The following CEMIP variants were observed in gnomAD, a reference collection of about 807,000 sequenced individuals.
The protein encoded by CEMIP is cell migration-inducing and hyaluronan-binding protein.
CEMIP carries 105 observed loss-of-function variants against 156.9 expected under a neutral mutation model. The ratio of observed to expected loss-of-function variants is 0.67; its 90% CI spans 0.57 to 0.79. The LOEUF is 0.79. Among genes scored for constraint, CEMIP ranks in the 30% least tolerant of loss-of-function variants. The pLI is 0.00. For missense variants in CEMIP, 1,457 were observed against 1,769.4 expected, an observed-to-expected ratio of 0.82 and a Z score of 3.17; for synonymous variants, 676 against 668.4, an observed-to-expected ratio of 1.01 and a Z score of -0.17.
At chr15:80,781,132 C>G (rs561677131) in intron 1 of CEMIP, among the ~76,000 whole-genome samples, 3 of 152,286 alleles carry the variant, frequency 2.0e-5, no homozygotes, top group African/African-American at 7.2e-5. Context: ...TACAATTACG[C>G]CAGACATAAT....
chr15:80,949,830 A>C lies in CEMIP; in HGVS notation c.*906A>C, dbSNP rs920957832. 5 of 152,270 alleles carry C rather than the reference A, an allele frequency of 3.3e-5. No individual in the cohort carries two copies. Among genetic ancestry groups the C allele is most frequent in the Non-Finnish European group, 7.3e-5 (5 of 68,054 alleles). 9.4% of individuals were successfully genotyped at this position (152,270 alleles called of 1,614,324 possible). ...GAAGGCTTCTTGCTTACAGGAATGA[A>C]GGCTGGGGGCATTTTGCTGGGGGGA... On this transcript the variant is annotated 3_prime_UTR_variant, in exon 30 of 30. Coordinates refer to ENST00000394685, the MANE Select transcript of CEMIP (RefSeq NM_001293298.2).
rs370362382 is a variant in CEMIP at position 80,802,424 on chromosome 15, G to A, written c.-176+22810G>A. ...TGGGCGTGGGCAGGCCCCACCCACC[G>A]AGGCTCCAGCCCTTACCCACAGTGT... On this transcript the variant is annotated intron_variant, in intron 1 of 29. Transcript: ENST00000394685. 5.3e-5 allele frequency among the ~76,000 whole-genome samples: 8 copies of A among 152,158 alleles called. 1 individual carries two copies. The East Asian group carries it at 9.6e-4, about 18-fold the overall frequency.
chr15:80,927,194 AG>A (rs976748669), intron 19 of CEMIP, among the ~76,000 whole-genome samples: 2 of 152,192 alleles, frequency 1.3e-5, no homozygotes, highest in Admixed American at 1.3e-4. Context: ...AAGGGAGAAA[AG>A]GGAGCTGATT....
At chr15:80,814,007 T>C (rs866602174) in intron 1 of CEMIP, among the ~76,000 whole-genome samples, 5 of 144,282 alleles carry the variant, frequency 3.5e-5, no homozygotes, top group African/African-American at 1.3e-4. Context: ...AGACACCCTC[T>C]CCCATCCATA....
chr15:80,888,588 T>C, intron 8 of CEMIP, 113 bp from the exon 9 acceptor site: 1 of 770,870 alleles, frequency 1.3e-6, no homozygotes, highest in South Asian at 1.5e-5. Context: ...AAAAATATTT[T>C]TAAAGAAATG....
At chr15:80,865,888 TTTCAGTGCCTG>T (rs1012090433) in intron 1 of CEMIP, among the ~76,000 whole-genome samples, 2 of 152,190 alleles carry the variant, frequency 1.3e-5, no homozygotes, top group African/African-American at 4.8e-5. Flanking sequence ...ATTATTTAGA[TTTCAGTGCCTG>T]TTGCACAGGG....
chr15:80,906,447 G>T lies in CEMIP; in HGVS notation c.1412-216G>T, dbSNP rs1899806677. ...GGACAATTAGCCATTTCTGCCAAAG[G>T]CTTCAGACCTAAGCCTGTGTAACTG... On this transcript the variant is annotated intron_variant, in intron 12 of 29. Coordinates refer to ENST00000394685, the MANE Select transcript of CEMIP (RefSeq NM_001293298.2). This position sits in a 1 kb window ranked among gnomAD's most constrained non-coding sequence, Gnocchi z 4.3. Among the ~76,000 whole-genome samples the T allele has an allele frequency of 6.6e-6, 1 of 152,198 alleles. No individual in the cohort carries two copies. Among genetic ancestry groups the T allele is most frequent in the Non-Finnish European group, 1.5e-5 (1 of 68,032 alleles).
chr15:80,895,164 C>G (rs181948893), intron 11 of CEMIP, 42 bp downstream of exon 11: 4 of 1,613,286 alleles, frequency 2.5e-6, no homozygotes, highest in African/African-American at 2.7e-5. Context: ...AACTATGGCT[C>G]GGTTCCTTGA....
intron 10 of CEMIP, among the ~76,000 whole-genome samples, chr15:80,890,517 G>A (rs1899001184): frequency 6.6e-6 from 1 of 151,656 alleles, no homozygotes. Context: ...TAAACAGGAG[G>A]TGGAGGTTGT....
intron 1 of CEMIP, among the ~76,000 whole-genome samples, chr15:80,853,465 AT>A (rs569640727): frequency 1.3e-5 from 2 of 152,292 alleles, no homozygotes; most frequent in Non-Finnish European, 2.9e-5. Context: ...TAGGAGGTCC[AT>A]TTTGTGAAAG....
At chr15:80,813,002 G>T (rs1417319728) in intron 1 of CEMIP, among the ~76,000 whole-genome samples, 1 of 152,190 alleles carries the variant, frequency 6.6e-6, no homozygotes, top group Admixed American at 6.5e-5. Context: ...GACTTCAAAA[G>T]AAATTTTGTG....
At chr15:80,889,449 G>A (rs747585694) in intron 9 of CEMIP, 22 bp from the exon 10 acceptor site, 14 of 1,613,728 alleles carry the variant, frequency 8.7e-6, no homozygotes. Flanking sequence ...CTGTCTGACT[G>A]TGCTGTTTGC....
rs1428935403 is a variant in CEMIP at position 80,800,019 on chromosome 15, T to TTGTGTG, written c.-176+20406_-176+20407insGTGTGT. Among the ~76,000 whole-genome samples the TTGTGTG allele has an allele frequency of 7.2e-5, 4 of 55,210 alleles. No homozygotes were observed. In the South Asian group the frequency reaches 2.0e-3, roughly 27 times the overall value. 36.2% of individuals were successfully genotyped at this position (55,210 alleles called of 152,430 possible). A position where few individuals can be genotyped will look rare whatever the true frequency, so the allele number is the denominator to read the frequency against. On this transcript the variant is annotated intron_variant, in intron 1 of 29. Coordinates refer to ENST00000394685, the MANE Select transcript of CEMIP (RefSeq NM_001293298.2). ...GCACATAACACCATGCCAGCTAATT[T>TTGTGTG]TATGTGTGTGTGTGTGTGTGTGTGT...
intron 1 of CEMIP, among the ~76,000 whole-genome samples, chr15:80,791,378 G>A (rs550003782): frequency 1.2e-4 from 19 of 152,234 alleles, no homozygotes; most frequent in African/African-American, 4.1e-4. Context: ...CTAGATTATC[G>A]GATAATGTCA....
At chr15:80,893,250 A>G (rs917982605) in intron 10 of CEMIP, among the ~76,000 whole-genome samples, 3 of 152,066 alleles carry the variant, frequency 2.0e-5, no homozygotes, top group Admixed American at 2.0e-4. Flanking sequence ...TAGTTATTAT[A>G]TTGATAATTA....
chr15:80,821,637 G>A (rs146207118), intron 1 of CEMIP, among the ~76,000 whole-genome samples: 1 of 152,338 alleles, frequency 6.6e-6, no homozygotes, highest in Non-Finnish European at 1.5e-5. Context: ...CAGGGTGTGA[G>A]AGGGGACAGT....
In CEMIP at chr15:80,946,996, T is replaced by C. The variant is rs559372433; in HGVS notation, c.3889T>C (p.Tyr1297His). The C allele has an allele frequency of 6.8e-6, 11 of 1,613,962 alleles. No homozygotes were observed. In the South Asian group the frequency reaches 1.2e-4, roughly 18 times the overall value. The change falls in exon 29 of 30, where the codon TAC (tyrosine) becomes CAC (histidine). Residue 1297 changes from tyrosine to histidine, a missense_variant. Tyr to His is a moderately conservative substitution (Grantham distance 83). Around this residue, in one of 5 missense-constraint regions of CEMIP, gnomAD observed 798 missense variants for 980.1 expected, o/e 0.81. Coordinates refer to ENST00000394685, the MANE Select transcript of CEMIP (RefSeq NM_001293298.2). The stretch of plus-strand genomic sequence containing the variant: ...AGTGCTTATGGCATCAAAGGGAAGA[T>C]ACGTCTCCAGAGGCCCATGGACCAG... Reference protein sequence around the residue: ...SIVLMASKGRYVSRGPWTRVL... With the variant: ...SIVLMASKGRHVSRGPWTRVL...
intron 1 of CEMIP, among the ~76,000 whole-genome samples, chr15:80,863,283 T>A (rs984811326): frequency 1.3e-5 from 2 of 152,128 alleles, no homozygotes; most frequent in African/African-American, 4.8e-5. Context: ...TGATAGAGGG[T>A]GTTGGACAAG....
At chr15:80,896,747 C>T (rs12440399) in intron 12 of CEMIP, among the ~76,000 whole-genome samples, 152,317 of 152,344 alleles carry the variant, frequency 1, 76,146 homozygotes, top group Non-Finnish European at 1. Context: ...AGTTCTTTGG[C>T]TGTTAGCAAC....
Sources: allele counts gnomAD v4.1 joint callset (sites outside exome capture counted in the v4.1 genomes callset), GRCh38; gene constraint gnomAD v4.1.1; regional missense constraint gnomAD v4.1.1; non-coding constraint Gnocchi (gnomAD v3.1); transcripts MANE v1.5; gene names NCBI Gene and HGNC (gene_info 2026-07-23, HGNC 2026-07-21).